Variants in DLGAP2 observed in about 807,000 individuals in gnomAD.
DLGAP2 encodes DLG associated protein 2.
In DLGAP2, 26 loss-of-function variants were observed where a neutral mutation model predicts 100.3. The ratio of observed to expected loss-of-function variants is 0.26; its 90% CI spans 0.19 to 0.36. The LOEUF is 0.36. DLGAP2 is among the 10% of genes least tolerant of loss of function. DLGAP2 has a pLI of 1.00. For synonymous variants in DLGAP2, 886 were observed against 630.1 expected (o/e 1.41, Z -6.08); for missense variants, 1,858 against 1,453.2 (o/e 1.28, Z -4.53).
intron 2 of DLGAP2, among the ~76,000 whole-genome samples, chr8:1,091,224 G>C (rs1018208466): frequency 6.6e-6 from 1 of 152,218 alleles, no homozygotes. Context: ...GAAGCACCCG[G>C]TCAGTCCCAC....
intron 2 of DLGAP2, among the ~76,000 whole-genome samples, chr8:1,142,133 G>A (rs1796532129): frequency 6.6e-6 from 1 of 150,756 alleles, no homozygotes; most frequent in Non-Finnish European, 1.5e-5. Context: ...AGAAATCTTT[G>A]GAAAGTAAAT....
At chr8:1,293,024 C>G (rs1168243397) in intron 3 of DLGAP2, among the ~76,000 whole-genome samples, 1 of 152,194 alleles carries the variant, frequency 6.6e-6, no homozygotes, top group East Asian at 1.9e-4. Context: ...AAGACAGGTG[C>G]TTATCCAGGC....
At chr8:986,752 C>G (rs893227262) in intron 2 of DLGAP2, among the ~76,000 whole-genome samples, 11 of 151,796 alleles carry the variant, frequency 7.2e-5, no homozygotes, top group African/African-American at 2.7e-4. Flanking sequence ...CTGCTTCTCC[C>G]AGGTTCAAGT....
intron 2 of DLGAP2, among the ~76,000 whole-genome samples, chr8:1,254,960 G>GC (rs1563043139): frequency 1.3e-5 from 1 of 79,498 alleles, no homozygotes; most frequent in African/African-American, 7.2e-5. Flanking sequence ...CTGTGTGTGT[G>GC]TCCTCTCATC....
Position 1,633,787 on chromosome 8 carries a change from C to T in DLGAP2, c.1810+741C>T, listed in dbSNP as rs1797707712. Among the ~76,000 whole-genome samples the T allele has an allele frequency of 2.0e-5, 3 of 152,268 alleles. No homozygotes were observed. In the South Asian group the frequency reaches 6.2e-4, roughly 32 times the overall value. ...ACATAGTGTTGGGGACTGAGGTGTT[C>T]TGAATACCAGAGGGCTTGGAATGCT... On this transcript the variant is annotated intron_variant, in intron 8 of 14. Coordinates refer to ENST00000637795, the MANE Select transcript of DLGAP2 (RefSeq NM_001346810.2).
intron 3 of DLGAP2, among the ~76,000 whole-genome samples, chr8:1,475,005 A>G (rs1798893289): frequency 6.6e-6 from 1 of 152,268 alleles, no homozygotes; most frequent in Non-Finnish European, 1.5e-5. Context: ...GGGGGATTGA[A>G]TAAAGAAAAT....
intron 3 of DLGAP2, among the ~76,000 whole-genome samples, chr8:1,337,041 A>C (rs570117788): frequency 6.6e-6 from 1 of 152,322 alleles, no homozygotes; most frequent in South Asian, 2.1e-4. Context: ...TGATCAGTAC[A>C]TAGTAACCAG....
intron 1 of DLGAP2, among the ~76,000 whole-genome samples, chr8:824,171 C>T (rs1260364811): frequency 6.6e-6 from 1 of 152,072 alleles, no homozygotes; most frequent in Non-Finnish European, 1.5e-5. Flanking sequence ...ACCTCCTGGG[C>T]TCAGGTGATC....
intron 2 of DLGAP2, among the ~76,000 whole-genome samples, chr8:985,736 A>G (rs1018444229): frequency 1.3e-5 from 2 of 152,196 alleles, no homozygotes; most frequent in Non-Finnish European, 2.9e-5. Context: ...GTCATGAGAA[A>G]GATTATTTCA....
At chr8:976,772 C>A (rs1800175314) in intron 2 of DLGAP2, among the ~76,000 whole-genome samples, 1 of 152,046 alleles carries the variant, frequency 6.6e-6, no homozygotes, top group African/African-American at 2.4e-5. Context: ...AAACCTTTGA[C>A]TTATAAAAAA....
chr8:1,367,868 C>T (rs530480544), intron 3 of DLGAP2, among the ~76,000 whole-genome samples: 1 of 152,190 alleles, frequency 6.6e-6, no homozygotes, highest in South Asian at 2.1e-4. Context: ...CATATATAAA[C>T]TGGTAAGAGA....
intron 4 of DLGAP2, among the ~76,000 whole-genome samples, chr8:1,506,937 A>G (rs1402875168): frequency 6.6e-6 from 1 of 152,214 alleles, no homozygotes; most frequent in Non-Finnish European, 1.5e-5. Flanking sequence ...CTAGCTAGAC[A>G]TAAAAGTTCT....
chr8:898,330 C>T (rs986181282), intron 1 of DLGAP2, among the ~76,000 whole-genome samples: 48 of 152,132 alleles, frequency 3.2e-4, no homozygotes, highest in African/African-American at 1.1e-3. Flanking sequence ...GACTTCACTC[C>T]CCAAATCTCT....
chr8:1,452,168 C>G (rs1344296113), intron 3 of DLGAP2, among the ~76,000 whole-genome samples: 1 of 152,200 alleles, frequency 6.6e-6, no homozygotes, highest in African/African-American at 2.4e-5. Flanking sequence ...TGAGGCATAG[C>G]CCCGTGGCTG....
intron 3 of DLGAP2, among the ~76,000 whole-genome samples, chr8:1,273,115 G>A (rs1799615430): frequency 6.6e-6 from 1 of 152,174 alleles, no homozygotes; most frequent in South Asian, 2.1e-4. Context: ...ATAAAAATGA[G>A]TAAATAGTAG....
At chr8:924,577 T>G (rs542306656) in intron 2 of DLGAP2, among the ~76,000 whole-genome samples, 20 of 149,638 alleles carry the variant, frequency 1.3e-4, no homozygotes, top group Non-Finnish European at 2.8e-4. Context: ...CGGTTATTCT[T>G]TTTTTTTTTT....
At chr8:977,509 C>G (rs1360071670) in intron 2 of DLGAP2, among the ~76,000 whole-genome samples, 4 of 152,228 alleles carry the variant, frequency 2.6e-5, no homozygotes, top group African/African-American at 9.6e-5. Context: ...ATATTCAAAG[C>G]TGCTGCTTCA....
chr8:995,366 T>C (rs1204580979), intron 2 of DLGAP2, among the ~76,000 whole-genome samples: 2 of 152,210 alleles, frequency 1.3e-5, no homozygotes, highest in Non-Finnish European at 2.9e-5. Context: ...GTCAATGAAA[T>C]ATTATAGTAA....
chr8:1,512,806 A>G (rs553147865), intron 4 of DLGAP2, among the ~76,000 whole-genome samples: 2 of 152,200 alleles, frequency 1.3e-5, no homozygotes, highest in Admixed American at 6.5e-5. Context: ...TACTGCCAAC[A>G]TTTTCTAAAG....
Sources: gnomAD v4.1 joint callset for allele counts (sites outside exome capture counted in the v4.1 genomes callset) on GRCh38, gnomAD v4.1.1 for gene constraint, MANE v1.5 for transcripts, NCBI Gene and HGNC (gene_info 2026-07-23, HGNC 2026-07-21) for gene names.